Variants in MDGA2 observed in about 807,000 individuals in gnomAD.
MDGA2 encodes MAM domain-containing glycosylphosphatidylinositol anchor protein 2.
A neutral mutation model predicts 117.8 loss-of-function variants in MDGA2; 40 were observed. The observed-to-expected ratio is 0.34, with a 90% CI of 0.26 to 0.44. The LOEUF (loss-of-function observed/expected upper bound fraction) is 0.44, where lower values mean the gene tolerates loss of function less well. Among genes scored for constraint, MDGA2 ranks in the 20% least tolerant of loss-of-function variants. The probability of loss-of-function intolerance (pLI) is 1.00; values close to 1 mark genes in which losing one functional copy is unlikely to be tolerated. For missense variants in MDGA2, 1,123 were observed against 1,250.6 expected (o/e 0.90, Z 1.54); for synonymous variants, 452 against 439.0 (o/e 1.03, Z -0.37).
intron 1 of MDGA2, among the ~76,000 whole-genome samples, chr14:47,564,675 G>T (rs994649287): frequency 3.3e-5 from 5 of 152,142 alleles, no homozygotes; most frequent in African/African-American, 1.2e-4. Flanking sequence ...CTGTAGTGAG[G>T]AAATTTTCAT....
At chr14:47,128,824 A>G (rs540268380) in intron 5 of MDGA2, among the ~76,000 whole-genome samples, 1 of 151,484 alleles carries the variant, frequency 6.6e-6, no homozygotes, top group Admixed American at 6.6e-5. Flanking sequence ...CCTCCCAAGC[A>G]GCTGGGACTA....
At chr14:47,566,018 A>T (rs1235906657) in intron 1 of MDGA2, among the ~76,000 whole-genome samples, 1 of 152,208 alleles carries the variant, frequency 6.6e-6, no homozygotes, top group African/African-American at 2.4e-5. Context: ...GTGCACTCAC[A>T]ACAGCAGCAA....
intron 1 of MDGA2, among the ~76,000 whole-genome samples, chr14:47,596,043 A>G (rs775607852): frequency 1.3e-5 from 2 of 152,220 alleles, no homozygotes; most frequent in Non-Finnish European, 2.9e-5. Context: ...TCCTGAGGCC[A>G]GGTTGGGGAA....
At chr14:47,236,085 G>A (rs940709063) in intron 2 of MDGA2, among the ~76,000 whole-genome samples, 4 of 152,086 alleles carry the variant, frequency 2.6e-5, no homozygotes, top group Admixed American at 6.6e-5. Flanking sequence ...GAGGTCAGGA[G>A]ATCGAGACCA....
chr14:47,465,800 A>T (rs986619859), intron 1 of MDGA2, among the ~76,000 whole-genome samples: 1 of 152,198 alleles, frequency 6.6e-6, no homozygotes, highest in African/African-American at 2.4e-5. Flanking sequence ...AAGCAGCATT[A>T]TCATTTGATC....
intron 10 of MDGA2, among the ~76,000 whole-genome samples, chr14:46,902,423 C>CT (rs887571600): frequency 3.3e-5 from 5 of 151,908 alleles, no homozygotes; most frequent in Non-Finnish European, 5.9e-5. Flanking sequence ...ACAGTAGGTA[C>CT]TTTTTTTTCT....
intron 1 of MDGA2, among the ~76,000 whole-genome samples, chr14:47,593,039 A>G (rs1896470458): frequency 7.4e-6 from 1 of 134,842 alleles, no homozygotes; most frequent in African/African-American, 2.8e-5. Context: ...ACAAATTTAC[A>G]AGAAAAAAAA....
chr14:46,845,006 C>T (rs1394517925), intron 16 of MDGA2, among the ~76,000 whole-genome samples: 4 of 152,252 alleles, frequency 2.6e-5, no homozygotes, highest in Non-Finnish European at 4.4e-5. Context: ...CTCGGCCTCC[C>T]GAGTAGCTGG....
At chr14:47,535,287 T>C (rs1048623547) in intron 1 of MDGA2, among the ~76,000 whole-genome samples, 3 of 152,248 alleles carry the variant, frequency 2.0e-5, no homozygotes, top group Non-Finnish European at 4.4e-5. Flanking sequence ...AATTCATTGT[T>C]CTGGAAGAAG....
chr14:47,408,078 G>A (rs7147437), intron 1 of MDGA2, among the ~76,000 whole-genome samples: 131,747 of 136,536 alleles, frequency 0.96, 63,523 homozygotes, highest in Middle Eastern at 0.98. Context: ...TTTTTTTTTG[G>A]TGGCATCTTG....
chr14:47,183,007 T>A (rs983823104), intron 3 of MDGA2, among the ~76,000 whole-genome samples: 3 of 152,168 alleles, frequency 2.0e-5, no homozygotes, highest in African/African-American at 4.8e-5. Context: ...TTAGCTGACA[T>A]ATCTCCTAAA....
chr14:46,877,207 C>T (rs898702289), intron 12 of MDGA2, among the ~76,000 whole-genome samples: 4 of 151,492 alleles, frequency 2.6e-5, no homozygotes, highest in South Asian at 2.1e-4. Context: ...AAAATAATCC[C>T]ACAGCTGCAG....
intron 2 of MDGA2, among the ~76,000 whole-genome samples, chr14:47,292,313 T>C (rs1374025884): frequency 6.6e-6 from 1 of 152,156 alleles, no homozygotes; most frequent in Non-Finnish European, 1.5e-5. Flanking sequence ...CTAGGTCTTT[T>C]CTACTAAAAT....
At chr14:46,979,735 G>A (rs1173370954) in intron 8 of MDGA2, among the ~76,000 whole-genome samples, 1 of 152,148 alleles carries the variant, frequency 6.6e-6, no homozygotes, top group East Asian at 1.9e-4. Context: ...GGAAGCTGCA[G>A]AAGAAAAGTT....
At chr14:46,969,935 T>C (rs1160701945) in intron 8 of MDGA2, among the ~76,000 whole-genome samples, 1,147 of 11,526 alleles carry the variant, frequency 0.1, 41 homozygotes, top group African/African-American at 0.21. Flanking sequence ...AAGTATTCCA[T>C]ATATATATAT....
At chr14:47,396,397 C>T (rs985794535) in intron 1 of MDGA2, among the ~76,000 whole-genome samples, 7 of 151,960 alleles carry the variant, frequency 4.6e-5, no homozygotes, top group African/African-American at 1.7e-4. Flanking sequence ...TAGAAAAAAC[C>T]TAGGCAATAC....
chr14:47,439,414 G>A (rs563914693), intron 1 of MDGA2, among the ~76,000 whole-genome samples: 2 of 152,158 alleles, frequency 1.3e-5, no homozygotes, highest in South Asian at 4.2e-4. Context: ...CACAAAATGT[G>A]CATAGCAATC....
chr14:47,526,582 C>G (rs993576608), intron 1 of MDGA2, among the ~76,000 whole-genome samples: 3 of 152,116 alleles, frequency 2.0e-5, no homozygotes, highest in Non-Finnish European at 4.4e-5. Flanking sequence ...GCTATTTGGT[C>G]TCCCGGGAAC....
chr14:47,197,649 G>A (rs986803057), intron 3 of MDGA2, among the ~76,000 whole-genome samples: 1 of 152,268 alleles, frequency 6.6e-6, no homozygotes, highest in Non-Finnish European at 1.5e-5. Flanking sequence ...GGTGGTTTAC[G>A]CCTGTAATCT....
Sources: gnomAD v4.1 joint callset for allele counts (sites outside exome capture counted in the v4.1 genomes callset) on GRCh38, gnomAD v4.1.1 for gene constraint, MANE v1.5 for transcripts, NCBI Gene and HGNC (gene_info 2026-07-23, HGNC 2026-07-21) for gene names.